Variants in TRAP1 observed in about 807,000 individuals in gnomAD.
The protein encoded by TRAP1 is TNF receptor associated protein 1.
TRAP1 carries 102 observed loss-of-function variants against 89.1 expected under a neutral mutation model. The observed-to-expected ratio is 1.15, with a 90% CI of 0.98 to 1.35. The LOEUF (loss-of-function observed/expected upper bound fraction) is 1.35. Ranked by LOEUF, TRAP1 falls within the 40% of genes most tolerant of loss-of-function variation. The pLI, the probability that TRAP1 is intolerant of heterozygous loss-of-function variation, is 0.00. For missense variants in TRAP1, 1,256 were observed against 945.3 expected, an observed-to-expected ratio of 1.33 and a Z score of -4.31; for synonymous variants, 508 against 388.0, an observed-to-expected ratio of 1.31 and a Z score of -3.64.
chr16:3,703,884 G>A (rs978899885), intron 1 of TRAP1, among the ~76,000 whole-genome samples: 8 of 151,572 alleles, frequency 5.3e-5, no homozygotes, highest in African/African-American at 1.2e-4. Context: ...GCGTGGTGGC[G>A]GGTGCCTGTG....
At position 3,686,026 on chromosome 16, in the gene TRAP1, G is replaced by A. The variant is rs894172417; in HGVS notation, c.441C>T (p.Thr147=). 6.2e-7 allele frequency: 1 copy of A among 1,614,024 alleles called. No homozygotes were observed. The highest frequency in any genetic ancestry group is 1.1e-5 in the South Asian group (1 of 91,050). The change falls in exon 4 of 18, where the codon ACC becomes ACT. Residue 147 remains threonine, a synonymous_variant. Transcript: ENST00000246957. ...TGGTGATGGTGCCTTTCTCGGCATT[G>A]GTCTGCAAGTGAATCTCCATTTCTG... ...ALPEMEIHLQ[T]NAEKGTITIQ... is the part of the protein sequence containing the mutation.
At chr16:3,693,117 T>G (rs1291081579) in intron 1 of TRAP1, among the ~76,000 whole-genome samples, 1 of 151,786 alleles carries the variant, frequency 6.6e-6, no homozygotes, top group Non-Finnish European at 1.5e-5. Flanking sequence ...CATGCCTAAT[T>G]TTTGTATTTT....
rs777130394 is a variant in TRAP1 at position 3,664,310 on chromosome 16, T to C, written c.1533A>G (p.Ser511=). Residue 511 remains serine (S), a synonymous_variant, in exon 13 of 18, where the codon TCA becomes TCG. Transcript: ENST00000246957. ...TCTTCTTCATGGCCTCATAGTAGGGTGAGTGCTCTGCCAGGTGACGGTTGG... is the reference window on the plus strand; with the variant it reads ...TCTTCTTCATGGCCTCATAGTAGGGCGAGTGCTCTGCCAGGTGACGGTTGG... The part of the protein sequence containing the change: ...CAPNRHLAEH[S]PYYEAMKKKD... 20 of 1,609,876 alleles carry C rather than the reference T, an allele frequency of 1.2e-5. No individual in the cohort carries two copies. The highest frequency in any genetic ancestry group is 1.1e-4 in the South Asian group (10 of 90,598).
intron 4 of TRAP1, among the ~76,000 whole-genome samples, chr16:3,683,802 A>C (rs560795609): frequency 1.3e-5 from 2 of 152,166 alleles, no homozygotes; most frequent in African/African-American, 4.8e-5. Context: ...AAAAAAAAAA[A>C]AACTATAGAT....
intron 4 of TRAP1, among the ~76,000 whole-genome samples, chr16:3,682,402 A>AC (rs1455995909): frequency 6.6e-6 from 1 of 151,538 alleles, no homozygotes; most frequent in East Asian, 1.9e-4. Context: ...AAAAAAAAAA[A>AC]AAAATTTCTC....
rs759275083 is a variant in TRAP1 at position 3,686,037 on chromosome 16, G to A, written c.430C>T (p.His144Tyr). Residue 144 changes from histidine to tyrosine, a missense_variant, in exon 4 of 18, where the codon CAC becomes TAC. By Grantham distance (83) the His-to-Tyr change is moderately conservative (BLOSUM62 2). Transcript: ENST00000246957. ...CCTTTCTCGGCATTGGTCTGCAAGT[G>A]AATCTCCATTTCTGGCAGTGCTTGG... The part of the protein sequence containing the change: ...DGQALPEMEI[H>Y]LQTNAEKGTI... The A allele has an allele frequency of 2.5e-6, 4 of 1,614,102 alleles. No individual in the cohort carries two copies. Among genetic ancestry groups the A allele is most frequent in the Admixed American group, 1.7e-5 (1 of 60,002 alleles).
At chr16:3,709,838 C>A (rs2051503666) in intron 1 of TRAP1, among the ~76,000 whole-genome samples, 1 of 152,154 alleles carries the variant, frequency 6.6e-6, no homozygotes, top group African/African-American at 2.4e-5. Context: ...TTCGTAGAGA[C>A]AGGGTTTCTC....
At chr16:3,694,637 C>T (rs1293845757) in intron 1 of TRAP1, among the ~76,000 whole-genome samples, 2 of 152,124 alleles carry the variant, frequency 1.3e-5, no homozygotes, top group African/African-American at 4.8e-5. Context: ...CATACCTGGC[C>T]TCTTTTTAAA....
At chr16:3,660,286 T>G (rs532814917) in intron 16 of TRAP1, 1 of 152,352 alleles carries the variant, frequency 6.6e-6, no homozygotes, top group African/African-American at 2.4e-5. Context: ...AATTTTCCCC[T>G]GTAAGCAGTT....
At chr16:3,699,235 C>T (rs2051332106) in intron 1 of TRAP1, among the ~76,000 whole-genome samples, 1 of 152,172 alleles carries the variant, frequency 6.6e-6, no homozygotes, top group Non-Finnish European at 1.5e-5. Flanking sequence ...TGCTGCAGGG[C>T]CTGGCTGCAG....
At chr16:3,701,525 T>G (rs2051364539) in intron 1 of TRAP1, among the ~76,000 whole-genome samples, 1 of 137,312 alleles carries the variant, frequency 7.3e-6, no homozygotes, top group Admixed American at 8.0e-5. Flanking sequence ...CACTCCAGTC[T>G]GGGTGACAGA....
chr16:3,673,439 C>T (rs548423216), intron 9 of TRAP1, among the ~76,000 whole-genome samples: 2 of 152,364 alleles, frequency 1.3e-5, no homozygotes, highest in African/African-American at 2.4e-5. Flanking sequence ...CTGCTCCACA[C>T]TGGTACTTCC....
At chr16:3,698,443 C>T (rs942629148) in intron 1 of TRAP1, among the ~76,000 whole-genome samples, 2 of 151,792 alleles carry the variant, frequency 1.3e-5, no homozygotes, top group Non-Finnish European at 1.5e-5. Context: ...CCCAAGACTA[C>T]AGGCGCCCGC....
intron 1 of TRAP1, chr16:3,704,472 T>A (rs932082013): frequency 5.3e-5 from 8 of 152,222 alleles, no homozygotes; most frequent in African/African-American, 1.9e-4. Flanking sequence ...TTAGTGTACA[T>A]AAATAGCCAA....
chr16:3,672,489 A>G (rs546054091), intron 10 of TRAP1, among the ~76,000 whole-genome samples: 324 of 152,082 alleles, frequency 2.1e-3, no homozygotes, highest in Non-Finnish European at 3.4e-3. Context: ...CAATCTGAAC[A>G]CCCCAGTGCT....
At chr16:3,659,663 C>A (rs563273719) in intron 16 of TRAP1, 1 of 152,106 alleles carries the variant, frequency 6.6e-6, no homozygotes, top group Non-Finnish European at 1.5e-5. Context: ...CAGAGGACAA[C>A]TGGAGTCGGG....
intron 3 of TRAP1, chr16:3,686,890 C>T (rs2051145447): frequency 6.6e-6 from 1 of 152,306 alleles, no homozygotes; most frequent in South Asian, 2.1e-4. Flanking sequence ...AGAATCGCTT[C>T]AACCCACAAG....
chr16:3,713,637 G>A (rs1596762329), intron 1 of TRAP1, among the ~76,000 whole-genome samples: 1 of 152,324 alleles, frequency 6.6e-6, no homozygotes, highest in East Asian at 1.9e-4. Context: ...ACTGGACTCG[G>A]CACCCTTGGT....
At chr16:3,697,850 G>C (rs906261504) in intron 1 of TRAP1, among the ~76,000 whole-genome samples, 6 of 150,798 alleles carry the variant, frequency 4.0e-5, no homozygotes, top group African/African-American at 1.5e-4. Flanking sequence ...GTGAAATGGC[G>C]TGATCTCGGC....
Sources: allele counts gnomAD v4.1 joint callset (sites outside exome capture counted in the v4.1 genomes callset), GRCh38; gene constraint gnomAD v4.1.1; transcripts MANE v1.5; gene names NCBI Gene and HGNC (gene_info 2026-07-23, HGNC 2026-07-21).